The following DSCAM variants were observed in gnomAD, a reference collection of about 807,000 sequenced individuals.
The protein encoded by DSCAM is DS cell adhesion molecule.
DSCAM carries 47 observed loss-of-function variants against 217.7 expected under a neutral mutation model. The ratio of observed to expected loss-of-function variants is 0.22; its 90% CI spans 0.17 to 0.28. The LOEUF is 0.28. DSCAM is among the 10% of genes least tolerant of loss of function. The probability of loss-of-function intolerance (pLI) is 1.00; values close to 1 mark genes in which losing one functional copy is unlikely to be tolerated. For synonymous variants in DSCAM, 1,056 were observed against 1,015.3 expected, an observed-to-expected ratio of 1.04 and a Z score of -0.76; for missense variants, 2,080 against 2,618.3, an observed-to-expected ratio of 0.79 and a Z score of 4.49.
chr21:40,819,975 T>C (rs1009801618), intron 1 of DSCAM, among the ~76,000 whole-genome samples: 2 of 152,056 alleles, frequency 1.3e-5, no homozygotes, highest in African/African-American at 4.8e-5. Flanking sequence ...GGCAGGAAGT[T>C]GACAATTTAT....
intron 26 of DSCAM, 109 bp from the exon 27 acceptor site, chr21:40,075,322 G>A (rs2089350560): frequency 3.3e-6 from 4 of 1,204,210 alleles, no homozygotes; most frequent in Non-Finnish European, 4.6e-6. Context: ...GGGTGTTGGA[G>A]GTGATGAGAA....
At chr21:40,329,342 T>C (rs2074350652) in intron 8 of DSCAM, among the ~76,000 whole-genome samples, 1 of 151,892 alleles carries the variant, frequency 6.6e-6, no homozygotes, top group African/African-American at 2.4e-5. Context: ...AAGGGACAAG[T>C]TAAAATAAAA....
At chr21:40,130,788 A>G (rs2090147190) in intron 19 of DSCAM, among the ~76,000 whole-genome samples, 3 of 152,188 alleles carry the variant, frequency 2.0e-5, no homozygotes, top group Admixed American at 6.5e-5. Context: ...CTAAACAAAT[A>G]TTTCTATTGC....
intron 3 of DSCAM, among the ~76,000 whole-genome samples, chr21:40,536,595 AC>A (rs558274562): frequency 9.9e-5 from 15 of 151,996 alleles, no homozygotes; most frequent in Admixed American, 7.2e-4. Context: ...TTTAGTAGAG[AC>A]AGGGTTTCAC....
chr21:40,662,692 GCC>G (rs970936932), intron 3 of DSCAM, among the ~76,000 whole-genome samples: 1 of 152,118 alleles, frequency 6.6e-6, no homozygotes, highest in Non-Finnish European at 1.5e-5. Context: ...TGGAATCAGT[GCC>G]CTCAGAGAGC....
chr21:40,722,679 C>A (rs1043312068), intron 1 of DSCAM, among the ~76,000 whole-genome samples: 2 of 151,748 alleles, frequency 1.3e-5, no homozygotes, highest in African/African-American at 4.8e-5. Context: ...TAAACGAAAC[C>A]AAATTGACCA....
At chr21:40,244,323 C>T (rs1368199436) in intron 11 of DSCAM, among the ~76,000 whole-genome samples, 1 of 151,986 alleles carries the variant, frequency 6.6e-6, no homozygotes, top group Non-Finnish European at 1.5e-5. Context: ...TGGTGGTGGA[C>T]ACCTATAATC....
In DSCAM at chr21:40,368,307, T is replaced by C. The variant is rs560620311; in HGVS notation, c.655+792A>G. On this transcript the variant is annotated intron_variant, in intron 4 of 32. Transcript: ENST00000400454. ...AAGCTATCATGGACTAAGATGATAG[T>C]TATTATTCATTTTCTAATTCATTTT... is the stretch of plus-strand genomic sequence containing the variant. Among the ~76,000 whole-genome samples, 3 of 152,288 alleles carry C rather than the reference T, an allele frequency of 2.0e-5. No homozygotes were observed. In the South Asian group the frequency reaches 6.2e-4, roughly 32 times the overall value.
At chr21:40,194,217 T>C (rs1056219557) in intron 11 of DSCAM, among the ~76,000 whole-genome samples, 1 of 152,152 alleles carries the variant, frequency 6.6e-6, no homozygotes, top group Non-Finnish European at 1.5e-5. Flanking sequence ...GTTATTAAAT[T>C]CAGCACTTAG....
At chr21:40,657,748 C>T (rs2090091906) in intron 3 of DSCAM, among the ~76,000 whole-genome samples, 1 of 152,084 alleles carries the variant, frequency 6.6e-6, no homozygotes, top group South Asian at 2.1e-4. Context: ...TGATACATTT[C>T]TATTTGTTTT....
chr21:40,055,835 T>G lies in DSCAM; in HGVS notation c.4925A>C (p.Asn1642Thr). 1 of 1,612,238 alleles carries G rather than the reference T, an allele frequency of 6.2e-7. No individual in the cohort carries two copies. The highest frequency in any genetic ancestry group is 8.5e-7 in the Non-Finnish European group (1 of 1,178,328). Residue 1642 changes from asparagine to threonine, a missense_variant, in exon 29 of 33, where the codon AAT (asparagine) becomes ACT (threonine). Transcript: ENST00000400454. Reference sequence around the variant, plus strand: ...GCTTAACGTATCTGAAGTCCGGGTATTCTTACTGGGAATAAAATGGGGTAA... The same window carrying G: ...GCTTAACGTATCTGAAGTCCGGGTAGTCTTACTGGGAATAAAATGGGGTAA... ...KSLAEMLMSK[N>T]TRTSDTLSKQ...
intron 21 of DSCAM, among the ~76,000 whole-genome samples, chr21:40,087,859 A>G (rs2089552684): frequency 6.6e-6 from 1 of 152,202 alleles, no homozygotes; most frequent in Admixed American, 6.5e-5. Flanking sequence ...CAGATGCCCA[A>G]ACAGGAGCAT....
intron 6 of DSCAM, among the ~76,000 whole-genome samples, chr21:40,344,473 AT>A (rs757963378): frequency 6.6e-6 from 1 of 152,112 alleles, no homozygotes; most frequent in Non-Finnish European, 1.5e-5. Flanking sequence ...ATTACTGAAA[AT>A]ATCTTTATTT....
intron 3 of DSCAM, among the ~76,000 whole-genome samples, chr21:40,637,602 T>C (rs1348789539): frequency 4.7e-5 from 2 of 42,328 alleles, no homozygotes; most frequent in South Asian, 9.0e-4. Flanking sequence ...TAAATATATA[T>C]ATAAATATAT....
intron 16 of DSCAM, among the ~76,000 whole-genome samples, chr21:40,152,138 AC>A (rs1568970013): frequency 2.6e-5 from 4 of 151,860 alleles, no homozygotes; most frequent in African/African-American, 9.7e-5. Context: ...CACAAAAAAA[AC>A]AAAAAACTAA....
chr21:40,292,095 C>G (rs952589203), intron 10 of DSCAM, among the ~76,000 whole-genome samples: 1 of 151,410 alleles, frequency 6.6e-6, no homozygotes, highest in Non-Finnish European at 1.5e-5. Context: ...GGCAAGAGGC[C>G]TCATTTGTTC....
At chr21:40,576,473 G>A (rs555374564) in intron 3 of DSCAM, among the ~76,000 whole-genome samples, 105 of 152,132 alleles carry the variant, frequency 6.9e-4, no homozygotes, top group Non-Finnish European at 1.1e-3. Flanking sequence ...TCTACATCTT[G>A]TTTTAGGTGG....
chr21:40,353,550 A>G lies in DSCAM; in HGVS notation c.849T>C (p.Ile283=). 6.2e-7 allele frequency: 1 copy of G among 1,611,824 alleles called. No individual in the cohort carries two copies. The highest frequency in any genetic ancestry group is 1.1e-5 in the South Asian group (1 of 90,582). Residue 283 remains isoleucine, a synonymous_variant, in exon 5 of 33, where the codon ATT becomes ATC. Transcript: ENST00000400454. Reference sequence around the variant, plus strand: ...CATAGCTGCCTGAGTCCGAGGGGCGAATGTTCTCAATGAGCAGCCCCGTCA... The same window carrying G: ...CATAGCTGCCTGAGTCCGAGGGGCGGATGTTCTCAATGAGCAGCCCCGTCA... ...KTVTGLLIEN[I]RPSDSGSYVC...
intron 20 of DSCAM, among the ~76,000 whole-genome samples, chr21:40,098,742 T>C (rs957537712): frequency 1.9e-4 from 29 of 152,336 alleles, no homozygotes; most frequent in African/African-American, 6.5e-4. Context: ...TAATTACTTA[T>C]TGTCAAAACT....
Sources: allele counts gnomAD v4.1 joint callset (sites outside exome capture counted in the v4.1 genomes callset), GRCh38; gene constraint gnomAD v4.1.1; transcripts MANE v1.5; gene names NCBI Gene and HGNC (gene_info 2026-07-23, HGNC 2026-07-21).